Variants in HTD2 observed in about 807,000 individuals in gnomAD.
HTD2 encodes the protein hydroxyacyl-thioester dehydratase type 2, mitochondrial.
A neutral mutation model predicts 3.1 loss-of-function variants in HTD2; 1 was observed. That is an observed-to-expected ratio of 0.32 (90% CI 0.11 to 1.52). The LOEUF is 1.52. Ranked by LOEUF, HTD2 falls within the 40% of genes most tolerant of loss-of-function variation. The pLI, the probability that HTD2 is intolerant of heterozygous loss-of-function variation, is 0.39. For missense variants in HTD2, 150 were observed against 79.6 expected (o/e 1.88, Z -3.36); for synonymous variants, 50 against 28.9 (o/e 1.73, Z -2.34).
chr3:58,311,311 T>C (rs2097482004), intron 2 of HTD2, among the ~76,000 whole-genome samples: 1 of 152,178 alleles, frequency 6.6e-6, no homozygotes, highest in Non-Finnish European at 1.5e-5. Context: ...CACGCTACCA[T>C]GCCCAACTAA....
chr3:58,312,259 A>ATT (rs982321851), intron 2 of HTD2, among the ~76,000 whole-genome samples: 6 of 143,546 alleles, frequency 4.2e-5, no homozygotes, highest in African/African-American at 1.5e-4. Context: ...ATTTTATTTT[A>ATT]TTTTTATTTA....
rs1017294756 is a variant in HTD2 at position 58,319,789 on chromosome 3, T to C, written c.*1669T>C. The C allele has an allele frequency of 6.6e-6, 1 of 152,126 alleles. No individual in the cohort carries two copies. The highest frequency in any genetic ancestry group is 2.4e-5 in the African/African-American group (1 of 41,416). 9.4% of individuals were successfully genotyped at this position (152,126 alleles called of 1,614,324 possible). A position where few individuals can be genotyped will look rare whatever the true frequency, so the allele number is the denominator to read the frequency against. ...ATCCCAACACAGCCAACACTTTTGT[T>C]TCCCATTTTTTTTTGTTTCCCGTTT... On this transcript the variant is annotated 3_prime_UTR_variant, in exon 5 of 5. Transcript: ENST00000461393.
intron 2 of HTD2, among the ~76,000 whole-genome samples, chr3:58,313,215 C>T (rs966804787): frequency 3.9e-5 from 6 of 152,082 alleles, no homozygotes; most frequent in Admixed American, 6.5e-5. Flanking sequence ...GCCGAGATCA[C>T]GCCACTGCAC....
chr3:58,310,660 C>A, intron 2 of HTD2, 69 bp downstream of exon 2: 1 of 1,332,460 alleles, frequency 7.5e-7, no homozygotes, highest in Non-Finnish European at 1.1e-6. Flanking sequence ...AGGCCGGGCG[C>A]GGTAGCTCAC....
intron 4 of HTD2, among the ~76,000 whole-genome samples, 180 bp from the exon 5 acceptor site, chr3:58,317,260 T>TA (rs912757255): frequency 3.6e-4 from 55 of 152,342 alleles, no homozygotes; most frequent in African/African-American, 1.3e-3. Flanking sequence ...TTGTGTGTTA[T>TA]ATATTGGTAC....
Position 58,317,542 on chromosome 3 carries a change from AT to A in HTD2, c.-66del. 3.1e-6 allele frequency: 4 copies of A among 1,304,744 alleles called. No individual in the cohort carries two copies. The highest frequency in any genetic ancestry group is 3.3e-6 in the Non-Finnish European group (3 of 908,082). 80.8% of individuals were successfully genotyped at this position (1,304,744 alleles called of 1,614,324 possible). A position where few individuals can be genotyped will look rare whatever the true frequency, so the allele number is the denominator to read the frequency against. ...GAAACGTTCATCCACTCTCATATTT[AT>A]TTTTTGGTGCCTGCATGTTTGAAGA... On this transcript the variant is annotated 5_prime_UTR_variant, in exon 5 of 5. It removes the in-frame stop codon of an upstream open reading frame in the 5' UTR. Coordinates refer to ENST00000461393, the MANE Select transcript of HTD2 (RefSeq NM_001348712.2).
chr3:58,309,375 C>T (rs934274878), intron 1 of HTD2, among the ~76,000 whole-genome samples: 2 of 152,124 alleles, frequency 1.3e-5, no homozygotes, highest in African/African-American at 4.8e-5. Flanking sequence ...ATAATAATAC[C>T]TCTTACCTCA....
chr3:58,310,241 A>G, intron 1 of HTD2: 3 of 1,319,268 alleles, frequency 2.3e-6, no homozygotes, highest in Non-Finnish European at 3.2e-6. Flanking sequence ...AAATAGGCCA[A>G]ATTCTCATCA....
intron 2 of HTD2, among the ~76,000 whole-genome samples, chr3:58,312,688 C>A (rs1050555965): frequency 6.6e-6 from 1 of 152,090 alleles, no homozygotes; most frequent in Admixed American, 6.6e-5. Context: ...GGGCCAGGCG[C>A]AGTGGCTCAC....
chr3:58,307,989 C>T (rs907071182), intron 1 of HTD2: 5 of 151,692 alleles, frequency 3.3e-5, no homozygotes, highest in Admixed American at 1.3e-4. Flanking sequence ...TGTAAGTCTT[C>T]GTTTTACTGG....
rs554315031 is a variant in HTD2 at position 58,311,399 on chromosome 3, C to T, written c.-331+808C>T. 7.9e-5 allele frequency among the ~76,000 whole-genome samples: 12 copies of T among 152,332 alleles called. No individual in the cohort carries two copies. The South Asian group carries it at 1.0e-3, about 13-fold the overall frequency. On this transcript the variant is annotated intron_variant, in intron 2 of 4. Transcript: ENST00000461393. ...TGAACTCCTGACCTCAGGTGATCCA[C>T]GCGCCTTGGGCTCCCAAAGTGCTGG... is the stretch of plus-strand genomic sequence containing the variant.
chr3:58,309,870 C>T (rs188908638), intron 1 of HTD2, among the ~76,000 whole-genome samples: 149 of 151,466 alleles, frequency 9.8e-4, no homozygotes, highest in African/African-American at 3.2e-3. Context: ...CCAGCCTGGG[C>T]GACAGAGCAA....
intron 1 of HTD2, among the ~76,000 whole-genome samples, chr3:58,307,299 G>A (rs780512881): frequency 2.6e-5 from 4 of 152,342 alleles, no homozygotes; most frequent in South Asian, 4.1e-4. Context: ...TTGAGCAGAG[G>A]AATGATGTAG....
At chr3:58,314,418 T>C (rs2097486018) in intron 2 of HTD2, among the ~76,000 whole-genome samples, 1 of 151,966 alleles carries the variant, frequency 6.6e-6, no homozygotes, top group Admixed American at 6.6e-5. Context: ...AATTAGAAAA[T>C]GGGCAAAAAC....
chr3:58,311,840 G>A (rs2107502970), intron 2 of HTD2, among the ~76,000 whole-genome samples: 1 of 152,048 alleles, frequency 6.6e-6, no homozygotes, highest in Non-Finnish European at 1.5e-5. Flanking sequence ...TAGACTTGCT[G>A]GATTAAATGG....
At position 58,317,436 on chromosome 3, in the gene HTD2, C is replaced by A. The variant is rs1365765487; in HGVS notation, c.-174-4C>A. The stretch of plus-strand genomic sequence containing the variant: ...ATGCCTTAACCTTTTTCTTTCTCTT[C>A]TAGGTTTCTCCATTTCTTCTTGCAT... On this transcript the variant is annotated splice_polypyrimidine_tract_variant and splice_region_variant and intron_variant, in intron 4 of 4. Coordinates refer to ENST00000461393, the MANE Select transcript of HTD2 (RefSeq NM_001348712.2). 1 of 1,588,434 alleles carries A rather than the reference C, an allele frequency of 6.3e-7. No individual in the cohort carries two copies. The highest frequency in any genetic ancestry group is 1.7e-5 in the Admixed American group (1 of 58,864).
chr3:58,314,675 ATTTTTTTTTTTTTT>A (rs751757663), intron 2 of HTD2, among the ~76,000 whole-genome samples: 3 of 90,582 alleles, frequency 3.3e-5, no homozygotes, highest in Admixed American at 3.4e-4. Context: ...GTTTGGCAGT[ATTTTTTTTTTTTTT>A]TTTTTTTTTT....
chr3:58,316,855 T>C, intron 3 of HTD2, 60 bp from the exon 4 acceptor site: 2 of 1,378,058 alleles, frequency 1.5e-6, no homozygotes, highest in South Asian at 1.2e-5. Flanking sequence ...GAAACCTTAG[T>C]TGAAGTTCAT....
intron 2 of HTD2, chr3:58,315,902 C>G (rs1329665115): frequency 6.6e-6 from 1 of 152,158 alleles, no homozygotes; most frequent in Non-Finnish European, 1.5e-5. Flanking sequence ...TCTCAAACTC[C>G]CAACCTCAGG....
Sources: gnomAD v4.1 joint callset for allele counts (sites outside exome capture counted in the v4.1 genomes callset) on GRCh38, gnomAD v4.1.1 for gene constraint, MANE v1.5 for transcripts, NCBI Gene and HGNC (gene_info 2026-07-23, HGNC 2026-07-21) for gene names.